CXADR: variants seen among roughly 807,000 people sequenced by gnomAD.
CXADR encodes coxsackievirus and adenovirus receptor.
In CXADR, 20 loss-of-function variants were observed where a neutral mutation model predicts 40.3. That is an observed-to-expected ratio of 0.50 (90% CI 0.35 to 0.72). CXADR has a LOEUF of 0.72. Among genes scored for constraint, CXADR ranks in the 30% least tolerant of loss-of-function variants. The pLI, the probability that CXADR is intolerant of heterozygous loss-of-function variation, is 0.01. For synonymous variants in CXADR, 150 were observed against 161.3 expected, an observed-to-expected ratio of 0.93 and a Z score of 0.53; for missense variants, 332 against 449.1, an observed-to-expected ratio of 0.74 and a Z score of 2.36.
the CXADR span, among the ~76,000 whole-genome samples, chr21:17,634,444 G>A: frequency 6.6e-6 from 1 of 152,184 alleles, no homozygotes; most frequent in Admixed American, 6.5e-5. Flanking sequence ...AAATTATTAT[G>A]AGCCCAGTAG....
chr21:17,580,163 A>G (rs573872072), intron 7 of CXADR, among the ~76,000 whole-genome samples: 10 of 152,296 alleles, frequency 6.6e-5, no homozygotes, highest in African/African-American at 2.4e-4. Flanking sequence ...CTTGATTATG[A>G]AAACAGCCGT....
the CXADR span, among the ~76,000 whole-genome samples, chr21:17,630,659 T>TTC: frequency 1.3e-5 from 2 of 150,744 alleles, no homozygotes; most frequent in African/African-American, 4.8e-5. Flanking sequence ...TCTTTTTTTT[T>TTC]TTTTTTTTTG....
At chr21:17,532,295 A>G (rs1045065006) in intron 1 of CXADR, among the ~76,000 whole-genome samples, 5 of 152,116 alleles carry the variant, frequency 3.3e-5, no homozygotes, top group Admixed American at 6.5e-5. Flanking sequence ...GTGTTTGGCT[A>G]TAAGATTTTT....
intron 6 of CXADR, among the ~76,000 whole-genome samples, chr21:17,562,001 T>A (rs1288376330): frequency 1.3e-5 from 2 of 152,192 alleles, no homozygotes; most frequent in Non-Finnish European, 2.9e-5. Flanking sequence ...TCTGGACACT[T>A]GTACAGGCAC....
In CXADR at chr21:17,568,482, T is replaced by A; in HGVS notation, c.*2790T>A. ...TTATTCTACTTTATAACTGAGAGACTTGATACCATCCATCTCTTTAGGTTA... is the reference window on the plus strand; with the variant it reads ...TTATTCTACTTTATAACTGAGAGACATGATACCATCCATCTCTTTAGGTTA... On this transcript the variant is annotated 3_prime_UTR_variant, in exon 7 of 7. Transcript: ENST00000284878. 1.0e-6 allele frequency: 1 copy of A among 967,822 alleles called. No homozygotes were observed. The highest frequency in any genetic ancestry group is 1.2e-6 in the Non-Finnish European group (1 of 824,550). The allele number at this position is 967,822 out of a possible 1,614,324, so 60.0% of individuals were successfully genotyped here.
At chr21:17,559,426 C>G (rs1030377787) in intron 4 of CXADR, among the ~76,000 whole-genome samples, 2 of 151,940 alleles carry the variant, frequency 1.3e-5, no homozygotes, top group Non-Finnish European at 2.9e-5. Context: ...CTCAAGGAGT[C>G]CTCTTTCCTT....
the CXADR span, among the ~76,000 whole-genome samples, chr21:17,607,184 T>C: frequency 7.2e-5 from 11 of 152,206 alleles, no homozygotes; most frequent in Non-Finnish European, 1.2e-4. Context: ...TCAGTTTTTT[T>C]CTCAAGTTTT....
In CXADR at chr21:17,566,746, C is replaced by A. The variant is rs2061213918; in HGVS notation, c.*1054C>A. Reference sequence around the variant, plus strand: ...AAATTTACCCTCTTGAATATAATCCCTGGATGATATTTTTTATCATAAATG... The same window carrying A: ...AAATTTACCCTCTTGAATATAATCCATGGATGATATTTTTTATCATAAATG... On this transcript the variant is annotated 3_prime_UTR_variant, in exon 7 of 7. Coordinates refer to ENST00000284878, the MANE Select transcript of CXADR (RefSeq NM_001338.5). 2.1e-6 allele frequency: 2 copies of A among 957,470 alleles called. No individual in the cohort carries two copies. The highest frequency in any genetic ancestry group is 9.6e-5 in the South Asian group (2 of 20,726). The allele number at this position is 957,470 out of a possible 1,614,324, so 59.3% of individuals were successfully genotyped here. A position where few individuals can be genotyped will look rare whatever the true frequency, so the allele number is the denominator to read the frequency against.
intron 1 of CXADR, among the ~76,000 whole-genome samples, chr21:17,536,109 G>A (rs960175873): frequency 2.0e-5 from 3 of 152,292 alleles, no homozygotes; most frequent in East Asian, 3.9e-4. Flanking sequence ...ATGTATCAGT[G>A]TGTAATCTTT....
chr21:17,604,794 T>C, the CXADR span: 1 of 1,564,096 alleles, frequency 6.4e-7, no homozygotes, highest in Non-Finnish European at 8.7e-7. Flanking sequence ...AGGCCGTACA[T>C]GACAGAATGT....
the CXADR span, among the ~76,000 whole-genome samples, chr21:17,632,806 T>C: frequency 6.6e-6 from 1 of 152,002 alleles, no homozygotes; most frequent in Non-Finnish European, 1.5e-5. Flanking sequence ...GAGGCAGAGC[T>C]TGCAGTGAGC....
At chr21:17,598,201 A>T (rs2061528219), downstream of CXADR, among the ~76,000 whole-genome samples, 1 of 152,140 alleles carries the variant, frequency 6.6e-6, no homozygotes. Context: ...GTAAAATATT[A>T]ATTATAATAT....
the CXADR span, among the ~76,000 whole-genome samples, chr21:17,607,813 ATGTT>A: frequency 4.6e-5 from 7 of 152,230 alleles, no homozygotes; most frequent in South Asian, 2.1e-4. Flanking sequence ...AAATGGGACA[ATGTT>A]TGGCAGCTGA....
chr21:17,596,265 A>T (rs2061502929), downstream of CXADR, among the ~76,000 whole-genome samples: 1 of 152,038 alleles, frequency 6.6e-6, no homozygotes. Flanking sequence ...GGTTTCTTTG[A>T]TGAACAAAAA....
chr21:17,594,358 T>C, downstream of CXADR: 1 of 1,593,224 alleles, frequency 6.3e-7, no homozygotes, highest in Non-Finnish European at 8.5e-7. Flanking sequence ...CACATTAAGT[T>C]AATTCAAAGG....
chr21:17,571,369 G>A (rs17001873), downstream of CXADR, among the ~76,000 whole-genome samples: 2,427 of 152,306 alleles, frequency 0.016, 61 homozygotes, highest in African/African-American at 0.055. Context: ...TAATGATACA[G>A]ACTTTCAAGG....
chr21:17,546,178 G>A (rs2060894748), intron 1 of CXADR, among the ~76,000 whole-genome samples: 1 of 152,166 alleles, frequency 6.6e-6, no homozygotes, highest in Non-Finnish European at 1.5e-5. Flanking sequence ...GCATTCAATA[G>A]AAGGTTATAG....
At chr21:17,534,091 TATATATATA>T (rs2060718918) in intron 1 of CXADR, among the ~76,000 whole-genome samples, 1 of 89,748 alleles carries the variant, frequency 1.1e-5, no homozygotes, top group Non-Finnish European at 2.2e-5. Flanking sequence ...CATATATATA[TATATATATA>T]TTTTTTTTTT....
downstream of CXADR, among the ~76,000 whole-genome samples, chr21:17,570,284 C>G (rs1478500782): frequency 6.6e-6 from 1 of 152,120 alleles, no homozygotes; most frequent in Non-Finnish European, 1.5e-5. Context: ...GCATACAGAC[C>G]ATTATCTCCC....
Sources: gnomAD v4.1 joint callset for allele counts (sites outside exome capture counted in the v4.1 genomes callset) on GRCh38, gnomAD v4.1.1 for gene constraint, MANE v1.5 for transcripts, NCBI Gene and HGNC (gene_info 2026-07-23, HGNC 2026-07-21) for gene names.